Variants in SLC24A2 observed in about 807,000 individuals in gnomAD.
SLC24A2 encodes sodium/potassium/calcium exchanger 2.
SLC24A2 carries 36 observed loss-of-function variants against 62.0 expected under a neutral mutation model. The observed-to-expected ratio is 0.58, with a 90% CI of 0.44 to 0.77. The LOEUF (loss-of-function observed/expected upper bound fraction) is 0.77, where lower values mean the gene tolerates loss of function less well. Ranked by LOEUF, SLC24A2 falls within the 30% of genes least tolerant of loss-of-function variation. The pLI is 0.00. For missense variants in SLC24A2, 846 were observed against 817.9 expected (o/e 1.03, Z -0.42); for synonymous variants, 358 against 294.0 (o/e 1.22, Z -2.23).
At chr9:20,260,231 T>C in the SLC24A2 span, among the ~76,000 whole-genome samples, 301 of 152,358 alleles carry the variant, frequency 2.0e-3, 2 homozygotes, top group African/African-American at 6.9e-3. Flanking sequence ...CTTCCTGCTA[T>C]GGAATAATGC....
the SLC24A2 span, among the ~76,000 whole-genome samples, chr9:19,817,836 C>T: frequency 6.6e-6 from 1 of 151,978 alleles, no homozygotes; most frequent in Non-Finnish European, 1.5e-5. Flanking sequence ...TTCAAGGGAT[C>T]CTCCTGCCTC....
At chr9:19,532,920 T>C (rs1833776492) in intron 8 of SLC24A2, among the ~76,000 whole-genome samples, 1 of 152,242 alleles carries the variant, frequency 6.6e-6, no homozygotes, top group Non-Finnish European at 1.5e-5. Flanking sequence ...TGAGAGAAGA[T>C]AACTTTTTCG....
intron 4 of SLC24A2, among the ~76,000 whole-genome samples, chr9:19,606,506 G>A (rs1232183346): frequency 3.3e-5 from 5 of 152,232 alleles, no homozygotes; most frequent in Admixed American, 1.3e-4. Context: ...GAGTTAACTA[G>A]TCTGGGGCAA....
chr9:19,892,594 T>G, the SLC24A2 span, among the ~76,000 whole-genome samples: 1 of 152,140 alleles, frequency 6.6e-6, no homozygotes, highest in African/African-American at 2.4e-5. Flanking sequence ...CTGTTAAGAG[T>G]GACCTAAGGA....
intron 1 of SLC24A2, among the ~76,000 whole-genome samples, chr9:19,787,545 CTTTAA>C (rs1342857581): frequency 6.6e-6 from 1 of 152,116 alleles, no homozygotes; most frequent in Non-Finnish European, 1.5e-5. Flanking sequence ...GTGAGTGATT[CTTTAA>C]TTTAGTGATC....
the SLC24A2 span, among the ~76,000 whole-genome samples, chr9:20,125,097 C>A: frequency 1.3e-5 from 2 of 152,114 alleles, no homozygotes; most frequent in African/African-American, 4.8e-5. Flanking sequence ...ATAACAAGTA[C>A]AAAATGCCCA....
At chr9:19,562,420 A>G (rs1394512820) in intron 7 of SLC24A2, among the ~76,000 whole-genome samples, 5 of 152,194 alleles carry the variant, frequency 3.3e-5, no homozygotes, top group Admixed American at 6.5e-5. Context: ...AGAAAGCCCA[A>G]TGACAAGTGG....
the SLC24A2 span, among the ~76,000 whole-genome samples, chr9:19,804,401 T>C: frequency 6.6e-6 from 1 of 152,298 alleles, no homozygotes; most frequent in Non-Finnish European, 1.5e-5. Context: ...TTAACTAATT[T>C]ATTATTTTCA....
chr9:20,102,042 T>G, the SLC24A2 span, among the ~76,000 whole-genome samples: 1 of 152,182 alleles, frequency 6.6e-6, no homozygotes, highest in Non-Finnish European at 1.5e-5. Context: ...CTCTTGTGTT[T>G]ACAATGAAAC....
chr9:19,517,083 T>G (rs190298365), intron 10 of SLC24A2, among the ~76,000 whole-genome samples: 106 of 152,356 alleles, frequency 7.0e-4, no homozygotes, highest in African/African-American at 2.5e-3. Flanking sequence ...TTTCTCCCTT[T>G]TCATTCACCT....
At chr9:20,018,966 A>G in the SLC24A2 span, among the ~76,000 whole-genome samples, 787 of 151,968 alleles carry the variant, frequency 5.2e-3, 7 homozygotes, top group African/African-American at 0.019. Flanking sequence ...CAGGAGGCTG[A>G]GGTAGGAGGA....
At chr9:19,724,376 G>A (rs1245800545) in intron 2 of SLC24A2, among the ~76,000 whole-genome samples, 1 of 152,146 alleles carries the variant, frequency 6.6e-6, no homozygotes, top group Admixed American at 6.6e-5. Flanking sequence ...ATAAGAGCAA[G>A]TCATTATCTT....
the SLC24A2 span, among the ~76,000 whole-genome samples, chr9:20,019,302 AGAAAGAAAG>A: frequency 4.7e-3 from 696 of 149,502 alleles, 5 homozygotes; most frequent in African/African-American, 0.017. Context: ...AAAGAAAGAA[AGAAAGAAAG>A]AAAGTGAGTG....
chr9:19,775,739 A>G (rs578150956), intron 2 of SLC24A2, among the ~76,000 whole-genome samples: 3 of 152,308 alleles, frequency 2.0e-5, no homozygotes, highest in Middle Eastern at 3.4e-3. Flanking sequence ...AATTAAGAAA[A>G]GGCACCCCTT....
At chr9:20,011,172 G>A in the SLC24A2 span, among the ~76,000 whole-genome samples, 5 of 152,082 alleles carry the variant, frequency 3.3e-5, no homozygotes, top group African/African-American at 1.2e-4. Context: ...CTAGATCCTT[G>A]AGAAATTGCC....
chr9:19,518,136 T>A (rs1833024802), intron 10 of SLC24A2, among the ~76,000 whole-genome samples: 1 of 152,208 alleles, frequency 6.6e-6, no homozygotes, highest in Non-Finnish European at 1.5e-5. Flanking sequence ...ATTTCAGTGT[T>A]ATTTTGAATA....
At chr9:19,544,662 A>G (rs1586929084) in intron 8 of SLC24A2, among the ~76,000 whole-genome samples, 1 of 152,154 alleles carries the variant, frequency 6.6e-6, no homozygotes, top group South Asian at 2.1e-4. Context: ...TTGTCTGTAA[A>G]GGAGTTTATT....
the SLC24A2 span, among the ~76,000 whole-genome samples, chr9:19,917,600 C>CG: frequency 6.6e-6 from 1 of 151,688 alleles, no homozygotes; most frequent in Non-Finnish European, 1.5e-5. Flanking sequence ...GCTTATCCCT[C>CG]GGGTTTTCTG....
At chr9:19,518,052 TATTA>T (rs548317119) in intron 10 of SLC24A2, among the ~76,000 whole-genome samples, 4 of 152,142 alleles carry the variant, frequency 2.6e-5, no homozygotes, top group Non-Finnish European at 4.4e-5. Context: ...CCTTTTGGTC[TATTA>T]ATTCTATCGT....
Sources: gnomAD v4.1 joint callset for allele counts (sites outside exome capture counted in the v4.1 genomes callset) on GRCh38, gnomAD v4.1.1 for gene constraint, MANE v1.5 for transcripts, NCBI Gene and HGNC (gene_info 2026-07-23, HGNC 2026-07-21) for gene names.